CETN2: variants seen among roughly 807,000 people sequenced by gnomAD.
CETN2 encodes the protein centrin 2.
Under a neutral mutation model 12.6 loss-of-function variants are expected in CETN2, and 2 were observed. That is an observed-to-expected ratio of 0.16 (90% CI 0.07 to 0.50). The LOEUF (loss-of-function observed/expected upper bound fraction) is 0.50. Among genes scored for constraint, CETN2 ranks in the 20% least tolerant of loss-of-function variants. CETN2 has a pLI of 0.96. For missense variants in CETN2, 81 were observed against 128.3 expected, an observed-to-expected ratio of 0.63 and a Z score of 1.78; for synonymous variants, 41 against 43.4, an observed-to-expected ratio of 0.94 and a Z score of 0.22.
At chrX:152,829,128 A>G (rs1357900884) in intron 3 of CETN2, 21 bp downstream of exon 3, 7 of 1,207,589 alleles carry the variant, frequency 5.8e-6, no homozygotes, top group Non-Finnish European at 7.8e-6. Flanking sequence ...CCATACCATG[A>G]TAATTGTCTT....
rs375176646 is a variant in CETN2, at chrX:152,830,680, T to C, written c.3+28A>G. 3.7e-5 allele frequency: 43 copies of C among 1,174,067 alleles called. No homozygotes were observed. In the African/African-American group the frequency reaches 6.2e-4, roughly 17 times the overall value. On this transcript the variant is annotated intron_variant, in intron 1 of 4. Coordinates refer to ENST00000370277, the MANE Select transcript of CETN2 (RefSeq NM_004344.3). ...CTGGGAAGGGCTCAGCCGCTGGGCG[T>C]GGGGCGCGACAGAGCGGCAGCACTC...
At position 152,829,134 on chromosome X, in the gene CETN2, G is replaced by A. The variant is rs781795967; in HGVS notation, c.291+15C>T. ...ACTGGGGCTCCATACCATGATAATT[G>A]TCTTAGCTACTTACCATTTTCTGGG... is the stretch of plus-strand genomic sequence containing the variant. On this transcript the variant is annotated intron_variant, in intron 3 of 4. Transcript: ENST00000370277. The A allele has an allele frequency of 6.6e-6, 8 of 1,208,879 alleles. No homozygotes were observed. Among genetic ancestry groups the A allele is most frequent in the South Asian group, 3.5e-5 (2 of 56,623 alleles).
At chrX:152,830,457 G>T (rs931826309) in intron 1 of CETN2, among the ~76,000 whole-genome samples, 8 of 113,199 alleles carry the variant, frequency 7.1e-5, no homozygotes, top group Admixed American at 1.8e-4. Context: ...GAGGTTCACC[G>T]AGGGGATCAG....
Position 152,827,757 on chromosome X carries a change from G to A in CETN2, c.*84C>T. ...AGGGAGGTCCGTGGGGGAAAAGTTTGTGTTCTCAAAAGCCAGATTTCACAC... is the reference window on the plus strand; with the variant it reads ...AGGGAGGTCCGTGGGGGAAAAGTTTATGTTCTCAAAAGCCAGATTTCACAC... On this transcript the variant is annotated 3_prime_UTR_variant, in exon 5 of 5. Transcript: ENST00000370277. The A allele has an allele frequency of 3.6e-6, 3 of 824,685 alleles. No homozygotes were observed. The South Asian group carries it at 6.6e-5, about 18-fold the overall frequency. 68.0% of individuals were successfully genotyped at this position (824,685 alleles called of 1,213,427 possible). A position where few individuals can be genotyped will look rare whatever the true frequency, so the allele number is the denominator to read the frequency against.
In CETN2 at chrX:152,830,660, A is replaced by G. The variant is rs1414488571; in HGVS notation, c.3+48T>C. The stretch of plus-strand genomic sequence containing the variant: ...CGGCGTGGCCGAGCTGGGGCCTGGG[A>G]AGGGCTCAGCCGCTGGGCGTGGGGC... On this transcript the variant is annotated intron_variant, in intron 1 of 4. Transcript: ENST00000370277. The G allele has an allele frequency of 6.9e-6, 8 of 1,164,988 alleles. No individual in the cohort carries two copies. The Admixed American group carries it at 1.3e-4, about 18-fold the overall frequency.
At chrX:152,829,041 T>G in intron 3 of CETN2, 108 bp downstream of exon 3, 8 of 942,592 alleles carry the variant, frequency 8.5e-6, no homozygotes, top group Non-Finnish European at 1.2e-5. Context: ...CTGATGCAGT[T>G]GCTACCTGGA....
Position 152,827,562 on chromosome X carries a change from G to A in CETN2, c.*279C>T, listed in dbSNP as rs973497669. ...ATGCATGACGAGGGAAACGATGCAA[G>A]GCAAAATGGCAGGTGCTCAAAGCTT... On this transcript the variant is annotated 3_prime_UTR_variant, in exon 5 of 5. Coordinates refer to ENST00000370277, the MANE Select transcript of CETN2 (RefSeq NM_004344.3). The A allele has an allele frequency of 8.0e-6, 2 of 249,938 alleles. No homozygotes were observed. The highest frequency in any genetic ancestry group is 5.5e-5 in the African/African-American group (2 of 36,487). The allele number at this position is 249,938 out of a possible 1,213,427, so 20.6% of individuals were successfully genotyped here.
chrX:152,830,714 C>T lies in CETN2; in HGVS notation c.-4G>A. The stretch of plus-strand genomic sequence containing the variant: ...ACAGAGCGGCAGCACTCACCATAGC[C>T]AAAGGAGTCCGCTGCCGGTTGTTAG... On this transcript the variant is annotated 5_prime_UTR_variant, in exon 1 of 5. Transcript: ENST00000370277. The T allele has an allele frequency of 8.5e-7, 1 of 1,175,186 alleles. No homozygotes were observed. Among genetic ancestry groups the T allele is most frequent in the South Asian group, 1.9e-5 (1 of 52,469 alleles).
chrX:152,830,702 A>G lies in CETN2; in HGVS notation c.3+6T>C. 1 of 1,179,648 alleles carries G rather than the reference A, an allele frequency of 8.5e-7. No homozygotes were observed. On this transcript the variant is annotated splice_donor_region_variant and intron_variant, in intron 1 of 4. Transcript: ENST00000370277. ...GCGTGGGGCGCGACAGAGCGGCAGCACTCACCATAGCCAAAGGAGTCCGCT... is the reference window on the plus strand; with the variant it reads ...GCGTGGGGCGCGACAGAGCGGCAGCGCTCACCATAGCCAAAGGAGTCCGCT...
In CETN2 at chrX:152,827,226, G is replaced by A; in HGVS notation, c.*615C>T. On this transcript the variant is annotated 3_prime_UTR_variant, in exon 5 of 5. Coordinates refer to ENST00000370277, the MANE Select transcript of CETN2 (RefSeq NM_004344.3). ...AGGATTATTCATTTTCTGTCCATAG[G>A]CTGGTAAGGAGTTTTGTATCTAATA... is the stretch of plus-strand genomic sequence containing the variant. The A allele has an allele frequency of 8.9e-6, 1 of 112,542 alleles. No individual in the cohort carries two copies. 9.3% of individuals were successfully genotyped at this position (112,542 alleles called of 1,213,427 possible).
chrX:152,828,623 C>T lies in CETN2; in HGVS notation c.343G>A (p.Asp115Asn). Residue 115 changes from aspartate to asparagine, a missense_variant, in exon 4 of 5, where the codon GAT becomes AAT. Asp to Asn is a conservative substitution (Grantham distance 23). Coordinates refer to ENST00000370277, the MANE Select transcript of CETN2 (RefSeq NM_004344.3). Reference protein sequence around the residue: ...EILKAFKLFDDDETGKISFKN... With the variant: ...EILKAFKLFDNDETGKISFKN... ...AACGAAATCTTCCCAGTTTCATCAT[C>T]ATCAAAGAGCTTGAAAGCTTTCAGG... 1 of 1,209,516 alleles carries T rather than the reference C, an allele frequency of 8.3e-7. No homozygotes were observed. The highest frequency in any genetic ancestry group is 1.1e-6 in the Non-Finnish European group (1 of 893,756).
intron 1 of CETN2, among the ~76,000 whole-genome samples, chrX:152,830,156 C>G (rs1556843156): frequency 8.9e-6 from 1 of 112,761 alleles, no homozygotes; most frequent in Non-Finnish European, 1.9e-5. Flanking sequence ...AGTAAGTACT[C>G]CGACTTCCCA....
chrX:152,830,578 G>T, intron 1 of CETN2, 130 bp downstream of exon 1: 1 of 862,848 alleles, frequency 1.2e-6, no homozygotes. Context: ...CTACTCTCCC[G>T]GGAAAGAGCT....
rs781798251 is a variant in CETN2 at position 152,827,928 on chromosome X, T to C, written c.432A>G (p.Glu144=). The change falls in exon 5 of 5, where the codon GAA becomes GAG. Residue 144 remains glutamate (E), a splice_region_variant and synonymous_variant. Transcript: ENST00000370277. The part of the protein sequence containing the change: ...GENLTDEELQ[E]MIDEADRDGD... Reference sequence around the variant, plus strand: ...CATCTCGATCAGCTTCATCAATCATTTCCTATATGACAGTAAAGATTCAGG... The same window carrying C: ...CATCTCGATCAGCTTCATCAATCATCTCCTATATGACAGTAAAGATTCAGG... 5.3e-5 allele frequency: 63 copies of C among 1,197,876 alleles called. No homozygotes were observed. The highest frequency in any genetic ancestry group is 6.8e-5 in the Non-Finnish European group (60 of 884,767).
chrX:152,827,287 C>T lies in CETN2; in HGVS notation c.*554G>A, dbSNP rs1932962305. ...AACACAATAATTGAGAAGAGGAACT[C>T]ATAAGCAAAGCTAAAGAACTCATCC... is the stretch of plus-strand genomic sequence containing the variant. On this transcript the variant is annotated 3_prime_UTR_variant, in exon 5 of 5. Coordinates refer to ENST00000370277, the MANE Select transcript of CETN2 (RefSeq NM_004344.3). The T allele has an allele frequency of 8.9e-6, 1 of 112,736 alleles. No homozygotes were observed. Among genetic ancestry groups the T allele is most frequent in the Non-Finnish European group, 1.9e-5 (1 of 53,437 alleles). 9.3% of individuals were successfully genotyped at this position (112,736 alleles called of 1,213,427 possible).
At position 152,827,760 on chromosome X, in the gene CETN2, T is replaced by A; in HGVS notation, c.*81A>T. 1 of 868,499 alleles carries A rather than the reference T, an allele frequency of 1.2e-6. No homozygotes were observed. Among genetic ancestry groups the A allele is most frequent in the Middle Eastern group, 2.8e-4 (1 of 3,617 alleles). The allele number at this position is 868,499 out of a possible 1,213,427, so 71.6% of individuals were successfully genotyped here. ...GAGGTCCGTGGGGGAAAAGTTTGTG[T>A]TCTCAAAAGCCAGATTTCACACCAT... On this transcript the variant is annotated 3_prime_UTR_variant, in exon 5 of 5. Coordinates refer to ENST00000370277, the MANE Select transcript of CETN2 (RefSeq NM_004344.3).
chrX:152,828,080 C>G (rs1365525021), intron 4 of CETN2, 150 bp from the exon 5 acceptor site: 1 of 462,283 alleles, frequency 2.2e-6, no homozygotes, highest in Non-Finnish European at 3.7e-6. Context: ...GCCTCAGCCT[C>G]CCAAAGTACT....
chrX:152,828,705 A>T (rs1391079777), intron 3 of CETN2, 31 bp from the exon 4 acceptor site: 1 of 1,183,920 alleles, frequency 8.4e-7, no homozygotes, highest in Non-Finnish European at 1.1e-6. Context: ...ACACATGAGT[A>T]GGGGGACACC....
chrX:152,828,668 T>C lies in CETN2; in HGVS notation c.298A>G (p.Lys100Glu). The change falls in exon 4 of 5, where the codon AAA becomes GAA. Residue 100 changes from lysine (K) to glutamate (E), a missense_variant. Physicochemically the swap from Lys to Glu is moderately conservative, Grantham distance 56. Transcript: ENST00000370277. ...LTVMTQKMSE[K>E]DTKEEILKAF... ...TTCAGGATTTCTTCTTTAGTATCTT[T>C]CTCAGACTTAACAAGTAGAACATAA... is the stretch of plus-strand genomic sequence containing the variant. 8.3e-7 allele frequency: 1 copy of C among 1,208,479 alleles called. No homozygotes were observed. Among genetic ancestry groups the C allele is most frequent in the Non-Finnish European group, 1.1e-6 (1 of 893,375 alleles).
Sources: allele counts gnomAD v4.1 joint callset (sites outside exome capture counted in the v4.1 genomes callset), GRCh38; gene constraint gnomAD v4.1.1; transcripts MANE v1.5; gene names NCBI Gene and HGNC (gene_info 2026-07-23, HGNC 2026-07-21).